Variants in CBR4 observed in about 807,000 individuals in gnomAD.
CBR4 encodes the protein 3-oxoacyl-[acyl-carrier-protein] reductase.
CBR4 carries 22 observed loss-of-function variants against 21.0 expected under a neutral mutation model. The observed-to-expected ratio is 1.05, with a 90% CI of 0.75 to 1.50. The LOEUF is 1.50. Ranked by LOEUF, CBR4 falls within the 40% of genes most tolerant of loss-of-function variation. The pLI is 0.00. For missense variants in CBR4, 302 were observed against 286.3 expected, an observed-to-expected ratio of 1.05 and a Z score of -0.40; for synonymous variants, 100 against 104.4, an observed-to-expected ratio of 0.96 and a Z score of 0.26.
chr4:168,963,131 C>T (rs769854466), intron 2 of CBR4, among the ~76,000 whole-genome samples: 2 of 152,078 alleles, frequency 1.3e-5, no homozygotes, highest in African/African-American at 2.4e-5. Flanking sequence ...CTGAAACTAA[C>T]GGAAAGGACT....
At chr4:168,963,256 C>T (rs1404715242) in intron 2 of CBR4, among the ~76,000 whole-genome samples, 3 of 152,050 alleles carry the variant, frequency 2.0e-5, no homozygotes, top group Non-Finnish European at 4.4e-5. Context: ...AGCACCTCAG[C>T]TAGGAAAAAT....
At chr4:168,926,645 A>G (rs1318662224) in intron 2 of CBR4, 2 of 381,342 alleles carry the variant, frequency 5.2e-6, no homozygotes, top group East Asian at 8.5e-5. Flanking sequence ...TAAAGTGATC[A>G]AAATGCCAAA....
intron 2 of CBR4, among the ~76,000 whole-genome samples, chr4:168,905,965 T>C (rs1757708761): frequency 1.3e-5 from 2 of 151,920 alleles, no homozygotes; most frequent in South Asian, 4.2e-4. Context: ...AGAGACGGGG[T>C]TTCACCTCAG....
intron 2 of CBR4, among the ~76,000 whole-genome samples, chr4:168,946,277 A>C (rs1763394909): frequency 1.3e-5 from 2 of 152,204 alleles, no homozygotes; most frequent in Admixed American, 1.3e-4. Context: ...CAGGCAGGAG[A>C]GTCTTCTCTG....
At chr4:168,903,705 TAG>T in intron 2 of CBR4, 1 of 1,437,952 alleles carries the variant, frequency 7.0e-7, no homozygotes, top group Non-Finnish European at 9.8e-7. Context: ...GTTCTCCAAA[TAG>T]AGTAGGAATA....
intron 2 of CBR4, among the ~76,000 whole-genome samples, chr4:168,945,492 T>C (rs1180426191): frequency 6.6e-6 from 1 of 152,154 alleles, no homozygotes; most frequent in Non-Finnish European, 1.5e-5. Flanking sequence ...CAGGGGGCCT[T>C]AGGAACTTTG....
At chr4:168,915,283 A>T (rs1582146182) in intron 2 of CBR4, among the ~76,000 whole-genome samples, 1 of 152,142 alleles carries the variant, frequency 6.6e-6, no homozygotes, top group African/African-American at 2.4e-5. Context: ...ATTACTTTCA[A>T]CTGTATTCCT....
intron 2 of CBR4, among the ~76,000 whole-genome samples, chr4:168,942,389 T>A (rs1277989465): frequency 3.3e-5 from 5 of 151,788 alleles, no homozygotes; most frequent in Non-Finnish European, 5.9e-5. Context: ...AATCCCAGAA[T>A]TTAAAGTACA....
At chr4:168,977,416 A>C (rs1299486851) in intron 2 of CBR4, among the ~76,000 whole-genome samples, 3 of 152,056 alleles carry the variant, frequency 2.0e-5, no homozygotes, top group African/African-American at 7.3e-5. Context: ...AGGCTCATCT[A>C]TCTCTAACCC....
chr4:168,970,850 AC>A (rs1225861765), intron 2 of CBR4, among the ~76,000 whole-genome samples: 18 of 151,712 alleles, frequency 1.2e-4, no homozygotes, highest in African/African-American at 4.4e-4. Flanking sequence ...ATATATATAT[AC>A]CACATTTTCT....
chr4:168,966,414 C>CT (rs1405819615), intron 2 of CBR4, among the ~76,000 whole-genome samples: 1 of 147,878 alleles, frequency 6.8e-6, no homozygotes, highest in African/African-American at 2.5e-5. Flanking sequence ...GTAGTCCCAG[C>CT]TACTCGGGAG....
rs1304195271 is a variant in CBR4 at position 168,988,825 on chromosome 4, TTTG to T, written c.*1322_*1324del. ...TTTTATTTAGAACACTGCTTTGACTTTTGTTATTACTTTGTATTTATTAGTATA... is the reference window on the plus strand; with the variant it reads ...TTTTATTTAGAACACTGCTTTGACTTTTATTACTTTGTATTTATTAGTATA... On this transcript the variant is annotated 3_prime_UTR_variant, in exon 5 of 5. Transcript: ENST00000306193. 3.1e-6 allele frequency: 3 copies of T among 953,464 alleles called. No homozygotes were observed. The highest frequency in any genetic ancestry group is 3.5e-5 in the African/African-American group (2 of 56,560). The allele number at this position is 953,464 out of a possible 1,614,324, so 59.1% of individuals were successfully genotyped here.
intron 3 of CBR4, among the ~76,000 whole-genome samples, chr4:169,003,116 G>A (rs1188114267): frequency 1.3e-5 from 2 of 152,140 alleles, no homozygotes; most frequent in African/African-American, 4.8e-5. Context: ...TGACTTTCAA[G>A]TCTTATTTAA....
intron 2 of CBR4, among the ~76,000 whole-genome samples, chr4:168,966,473 G>A (rs538199357): frequency 6.6e-6 from 1 of 151,432 alleles, no homozygotes; most frequent in South Asian, 2.1e-4. Context: ...CTTGCAGTGA[G>A]CCGAGATCGC....
At chr4:168,925,706 A>G (rs1291862223) in intron 2 of CBR4, among the ~76,000 whole-genome samples, 1 of 152,200 alleles carries the variant, frequency 6.6e-6, no homozygotes, top group Non-Finnish European at 1.5e-5. Context: ...GAAAAAAATT[A>G]AGAATTTATT....
intron 2 of CBR4, among the ~76,000 whole-genome samples, chr4:168,918,691 C>CA (rs201364299): frequency 0.013 from 1,879 of 149,836 alleles, 37 homozygotes; most frequent in Admixed American, 0.038. Context: ...GTTCTTACTA[C>CA]AAAAAAAAAT....
At chr4:168,932,976 T>C (rs1317564504) in intron 2 of CBR4, among the ~76,000 whole-genome samples, 2 of 151,852 alleles carry the variant, frequency 1.3e-5, no homozygotes, top group Non-Finnish European at 2.9e-5. Context: ...ACCACCATGA[T>C]GAAAACAAAT....
At chr4:169,002,305 A>C in intron 3 of CBR4, 100 bp from the exon 4 acceptor site, 2 of 1,139,964 alleles carry the variant, frequency 1.8e-6, no homozygotes, top group Non-Finnish European at 2.3e-6. Context: ...AAAAGGTAAA[A>C]CCCACTTCAC....
chr4:168,957,490 G>C (rs62333038), intron 2 of CBR4, among the ~76,000 whole-genome samples: 5,908 of 152,138 alleles, frequency 0.039, 167 homozygotes, highest in Non-Finnish European at 0.059. Flanking sequence ...CAACTTAACT[G>C]AGGTGTAACT....
Sources: allele counts gnomAD v4.1 joint callset (sites outside exome capture counted in the v4.1 genomes callset), GRCh38; gene constraint gnomAD v4.1.1; transcripts MANE v1.5; gene names NCBI Gene and HGNC (gene_info 2026-07-23, HGNC 2026-07-21).